Variants in TECRL observed in about 807,000 individuals in gnomAD.
TECRL encodes the protein trans-2,3-enoyl-CoA reductase-like.
Under a neutral mutation model 52.8 loss-of-function variants are expected in TECRL, and 63 were observed. The observed-to-expected ratio is 1.19, with a 90% CI of 0.97 to 1.47. The LOEUF (loss-of-function observed/expected upper bound fraction) is 1.47. TECRL is among the 40% of genes most tolerant of loss of function. The pLI, the probability that TECRL is intolerant of heterozygous loss-of-function variation, is 0.00. For missense variants in TECRL, 482 were observed against 429.6 expected, an observed-to-expected ratio of 1.12 and a Z score of -1.08; for synonymous variants, 164 against 141.9, an observed-to-expected ratio of 1.16 and a Z score of -1.10.
chr4:64,356,040 A>G (rs1258216931), intron 2 of TECRL, among the ~76,000 whole-genome samples: 2 of 152,092 alleles, frequency 1.3e-5, no homozygotes, highest in African/African-American at 2.4e-5. Context: ...CATGTGTTGT[A>G]TGGAATCAAG....
At chr4:64,290,693 T>C (rs868050830) in intron 8 of TECRL, among the ~76,000 whole-genome samples, 10 of 152,156 alleles carry the variant, frequency 6.6e-5, no homozygotes, top group African/African-American at 2.4e-4. Flanking sequence ...TCACAATAAA[T>C]AACTGGTATA....
intron 1 of TECRL, among the ~76,000 whole-genome samples, chr4:64,389,783 G>A (rs777915193): frequency 1.9e-4 from 29 of 151,844 alleles, no homozygotes; most frequent in Admixed American, 5.9e-4. Context: ...ACAAATATAT[G>A]CCTATTCAAA....
intron 2 of TECRL, among the ~76,000 whole-genome samples, chr4:64,337,863 C>T (rs1189946861): frequency 1.3e-5 from 2 of 152,002 alleles, no homozygotes; most frequent in Non-Finnish European, 2.9e-5. Context: ...TGCCCAAGGT[C>T]ATTTATAGAT....
At chr4:64,329,498 G>A (rs1371483826) in intron 2 of TECRL, among the ~76,000 whole-genome samples, 3 of 151,568 alleles carry the variant, frequency 2.0e-5, no homozygotes, top group Non-Finnish European at 4.4e-5. Context: ...GAGGAAGTTC[G>A]GATGAAAAAT....
At chr4:64,349,065 CA>C (rs11318611) in intron 2 of TECRL, among the ~76,000 whole-genome samples, 26,955 of 128,172 alleles carry the variant, frequency 0.21, 2,553 homozygotes, top group East Asian at 0.31. Flanking sequence ...TTGGAAATTA[CA>C]AAAAAAAAAA....
chr4:64,309,953 A>G, intron 5 of TECRL, 22 bp from the exon 6 acceptor site: 1 of 1,483,436 alleles, frequency 6.7e-7, no homozygotes, highest in Admixed American at 1.9e-5. Context: ...AATAAAACAT[A>G]AACATGAAAA....
At chr4:64,355,290 A>T (rs1395657595) in intron 2 of TECRL, among the ~76,000 whole-genome samples, 10 of 152,194 alleles carry the variant, frequency 6.6e-5, no homozygotes, top group Non-Finnish European at 1.5e-5. Context: ...TAGATGAATA[A>T]TGTACTGTAG....
At chr4:64,286,577 T>C (rs1461709134) in intron 9 of TECRL, among the ~76,000 whole-genome samples, 1 of 151,014 alleles carries the variant, frequency 6.6e-6, no homozygotes, top group East Asian at 1.9e-4. Flanking sequence ...GAGTACCTAG[T>C]GATCTGGGGA....
chr4:64,371,085 G>A lies in TECRL; in HGVS notation c.286+4087C>T, dbSNP rs925343731. On this transcript the variant is annotated intron_variant, in intron 2 of 11. Transcript: ENST00000381210. ...CCCACATTGAATAATCACAGAAGTG[G>A]TCATCCATTATAACTGATGGATGGC... Among the ~76,000 whole-genome samples the A allele has an allele frequency of 3.5e-4, 53 of 151,682 alleles. No homozygotes were observed. The East Asian group carries it at 7.0e-3, about 20-fold the overall frequency.
At chr4:64,290,324 C>T (rs1021523319) in intron 8 of TECRL, among the ~76,000 whole-genome samples, 1 of 151,982 alleles carries the variant, frequency 6.6e-6, no homozygotes, top group Non-Finnish European at 1.5e-5. Flanking sequence ...TATGTCCCTC[C>T]AAGATCAAAG....
At chr4:64,403,472 A>AGT (rs1724495029) in intron 1 of TECRL, among the ~76,000 whole-genome samples, 2 of 53,778 alleles carry the variant, frequency 3.7e-5, no homozygotes, top group Non-Finnish European at 5.0e-5. Context: ...TCCCTCCCTG[A>AGT]GCGCACACAC....
chr4:64,349,910 A>G (rs192058025), intron 2 of TECRL, among the ~76,000 whole-genome samples: 1 of 152,344 alleles, frequency 6.6e-6, no homozygotes, highest in East Asian at 1.9e-4. Flanking sequence ...ACTTAAGCAG[A>G]CACTAATTCA....
At chr4:64,364,293 T>G (rs955782368) in intron 2 of TECRL, among the ~76,000 whole-genome samples, 4 of 151,954 alleles carry the variant, frequency 2.6e-5, no homozygotes, top group Non-Finnish European at 5.9e-5. Context: ...TAGCAAAACA[T>G]CTATATTAAG....
intron 2 of TECRL, among the ~76,000 whole-genome samples, chr4:64,343,961 A>T (rs547827535): frequency 5.0e-4 from 76 of 151,948 alleles, no homozygotes; most frequent in African/African-American, 8.2e-4. Flanking sequence ...ATAAAATTTT[A>T]AAAAAAATAA....
At chr4:64,360,001 C>T (rs1721059518) in intron 2 of TECRL, among the ~76,000 whole-genome samples, 1 of 152,024 alleles carries the variant, frequency 6.6e-6, no homozygotes, top group Admixed American at 6.6e-5. Flanking sequence ...GTGAAACTGT[C>T]AAGAATCATA....
chr4:64,363,249 A>G (rs1721329658), intron 2 of TECRL, among the ~76,000 whole-genome samples: 1 of 152,164 alleles, frequency 6.6e-6, no homozygotes, highest in Non-Finnish European at 1.5e-5. Context: ...GGGAAACTTC[A>G]ACACCCAACT....
intron 1 of TECRL, among the ~76,000 whole-genome samples, chr4:64,376,269 T>C (rs888005510): frequency 6.6e-6 from 1 of 151,822 alleles, no homozygotes; most frequent in Non-Finnish European, 1.5e-5. Context: ...TGATTTCCTG[T>C]GTGTATATGA....
rs73821106 is a variant in TECRL at position 64,309,183 on chromosome 4, C to T, written c.657+643G>A. Among the ~76,000 whole-genome samples, 422 of 152,202 alleles carry T rather than the reference C, an allele frequency of 2.8e-3. 3 individuals carry two copies. The highest frequency in any genetic ancestry group is 9.8e-3 in the African/African-American group (406 of 41,548). ...CAATGACAACAATAGAATGGCTGTT[C>T]TGTTGCGATATTACAAAGCAGATAT... On this transcript the variant is annotated intron_variant, in intron 6 of 11. Transcript: ENST00000381210.
intron 1 of TECRL, among the ~76,000 whole-genome samples, chr4:64,376,606 T>C (rs898377425): frequency 2.0e-5 from 3 of 151,982 alleles, no homozygotes; most frequent in African/African-American, 7.2e-5. Context: ...CCTTTATATG[T>C]TGCTTTCTCT....
Sources: allele counts gnomAD v4.1 joint callset (sites outside exome capture counted in the v4.1 genomes callset), GRCh38; gene constraint gnomAD v4.1.1; transcripts MANE v1.5; gene names NCBI Gene and HGNC (gene_info 2026-07-23, HGNC 2026-07-21).